Variants in TLE4 observed in about 807,000 individuals in gnomAD.
TLE4 encodes transducin-like enhancer protein 4.
A neutral mutation model predicts 92.8 loss-of-function variants in TLE4; 8 were observed. The observed-to-expected ratio is 0.09, with a 90% CI of 0.05 to 0.16. The LOEUF (loss-of-function observed/expected upper bound fraction) is 0.16, where lower values mean the gene tolerates loss of function less well. Ranked by LOEUF, TLE4 falls within the 10% of genes least tolerant of loss-of-function variation. The pLI is 1.00. For missense variants in TLE4, 675 were observed against 997.6 expected (o/e 0.68, Z 4.36); for synonymous variants, 371 against 374.1 (o/e 0.99, Z 0.10).
intron 8 of TLE4, among the ~76,000 whole-genome samples, chr9:79,686,991 G>A (rs1316822): frequency 0.89 from 134,914 of 152,258 alleles, 59,774 homozygotes; most frequent in Admixed American, 0.9. Context: ...GGTATCATCT[G>A]GTCAGGTGCA....
At chr9:79,596,697 T>TA (rs1312343649) in intron 4 of TLE4, among the ~76,000 whole-genome samples, 24 of 152,222 alleles carry the variant, frequency 1.6e-4, no homozygotes, top group Non-Finnish European at 1.5e-5. Flanking sequence ...TAGCACTATC[T>TA]AATCTCAGTT....
In TLE4 at chr9:79,572,293, C is replaced by G. The variant is rs998811254; in HGVS notation, c.-498C>G. 3.3e-5 allele frequency: 5 copies of G among 152,152 alleles called. No individual in the cohort carries two copies. The highest frequency in any genetic ancestry group is 5.9e-5 in the Non-Finnish European group (4 of 68,024). The allele number at this position is 152,152 out of a possible 1,614,324, so 9.4% of individuals were successfully genotyped here. On this transcript the variant is annotated 5_prime_UTR_variant, in exon 1 of 20. Transcript: ENST00000376552. ...CCAAAAAGCACCGCCGAGACCTCTT[C>G]CGAACCAAAGGAGTTTGTGTTTGCT...
chr9:79,723,308 G>A (rs2075930356), intron 19 of TLE4, among the ~76,000 whole-genome samples: 1 of 152,058 alleles, frequency 6.6e-6, no homozygotes, highest in South Asian at 2.1e-4. Context: ...TGGAGTAGAG[G>A]TTTTATGTCT....
At chr9:79,719,240 A>C (rs1286576841) in intron 15 of TLE4, among the ~76,000 whole-genome samples, 3 of 151,990 alleles carry the variant, frequency 2.0e-5, no homozygotes, top group Non-Finnish European at 2.9e-5. Flanking sequence ...TTCCTCTCTG[A>C]TGGTTAAGCA....
chr9:79,632,900 A>G (rs906184156), intron 6 of TLE4, among the ~76,000 whole-genome samples: 6 of 152,158 alleles, frequency 3.9e-5, no homozygotes, highest in Non-Finnish European at 4.4e-5. Flanking sequence ...AGCTTGCACA[A>G]TGGGGGAAGG....
At chr9:79,675,121 T>C (rs2135033907) in intron 8 of TLE4, among the ~76,000 whole-genome samples, 1 of 152,318 alleles carries the variant, frequency 6.6e-6, no homozygotes, top group African/African-American at 2.4e-5. Context: ...TAAATCTCTT[T>C]GTCCTTTCTG....
At position 79,718,856 on chromosome 9, in the gene TLE4, C is replaced by T; in HGVS notation, c.1475C>T (p.Ala492Val). 1.9e-6 allele frequency: 3 copies of T among 1,614,146 alleles called. No individual in the cohort carries two copies. The highest frequency in any genetic ancestry group is 2.5e-6 in the Non-Finnish European group (3 of 1,180,030). The change falls in exon 15 of 20, where the codon GCG becomes GTG. Residue 492 changes from alanine (A) to valine (V), a missense_variant. Physicochemically the swap from Ala to Val is moderately conservative, Grantham distance 64 (BLOSUM62 0). Coordinates refer to ENST00000376552, the MANE Select transcript of TLE4 (RefSeq NM_007005.6). ...NTLNHGEVVCAVTISNPTRHV... is the reference protein window; with the variant it reads ...NTLNHGEVVCVVTISNPTRHV... ...CTCAACCACGGGGAGGTGGTGTGCG[C>T]GGTGACCATCAGCAACCCCACGAGA...
At chr9:79,670,623 G>C (rs73457274) in intron 8 of TLE4, among the ~76,000 whole-genome samples, 2,437 of 152,272 alleles carry the variant, frequency 0.016, 61 homozygotes, top group African/African-American at 0.055. Context: ...CATTTCTTAA[G>C]GTTGGGAAGC....
At chr9:79,689,759 G>A (rs2066665364) in intron 8 of TLE4, among the ~76,000 whole-genome samples, 1 of 152,192 alleles carries the variant, frequency 6.6e-6, no homozygotes, top group African/African-American at 2.4e-5. Flanking sequence ...TGTGCTGATA[G>A]GTAAGCAGGT....
chr9:79,580,780 A>C (rs1199976297), intron 4 of TLE4, among the ~76,000 whole-genome samples: 2 of 152,000 alleles, frequency 1.3e-5, no homozygotes, highest in African/African-American at 4.8e-5. Context: ...ACTATCATGG[A>C]AGATGGGGTG....
At chr9:79,573,274 G>C in intron 1 of TLE4, 2 of 1,022,476 alleles carry the variant, frequency 2.0e-6, no homozygotes, top group Non-Finnish European at 2.3e-6. Context: ...GCGAACGAAC[G>C]AGCCGAGAGG....
At chr9:79,708,835 C>T (rs757077986) in intron 13 of TLE4, 49 bp downstream of exon 13, 11 of 1,544,780 alleles carry the variant, frequency 7.1e-6, no homozygotes, top group Middle Eastern at 1.9e-4. Flanking sequence ...GGAGGATTGT[C>T]ATGCTTGATT....
intron 8 of TLE4, among the ~76,000 whole-genome samples, chr9:79,692,618 A>G (rs968938976): frequency 6.6e-6 from 1 of 152,138 alleles, no homozygotes; most frequent in African/African-American, 2.4e-5. Flanking sequence ...TTAAGTAGAA[A>G]TTTATTTCTC....
At chr9:79,710,508 G>A (rs965984886) in intron 14 of TLE4, among the ~76,000 whole-genome samples, 9 of 152,118 alleles carry the variant, frequency 5.9e-5, no homozygotes, top group African/African-American at 2.2e-4. Context: ...CACTACACAT[G>A]CCGTGTATGT....
intron 6 of TLE4, among the ~76,000 whole-genome samples, chr9:79,627,946 C>T (rs1191198584): frequency 6.6e-6 from 1 of 152,100 alleles, no homozygotes; most frequent in Non-Finnish European, 1.5e-5. Flanking sequence ...AATAGATGAA[C>T]TACACTTTAT....
chr9:79,629,012 G>T (rs1383812300), intron 6 of TLE4, among the ~76,000 whole-genome samples: 1 of 151,946 alleles, frequency 6.6e-6, no homozygotes, highest in Non-Finnish European at 1.5e-5. Flanking sequence ...GGTCAGAAGG[G>T]ATAGAACCTA....
chr9:79,723,408 GT>G (rs539760985), intron 19 of TLE4, among the ~76,000 whole-genome samples: 1 of 152,106 alleles, frequency 6.6e-6, no homozygotes, highest in Non-Finnish European at 1.5e-5. Context: ...AGTAGTAGTA[GT>G]TTTTTTATTT....
At chr9:79,637,138 G>A (rs1432676041) in intron 6 of TLE4, among the ~76,000 whole-genome samples, 2 of 152,076 alleles carry the variant, frequency 1.3e-5, no homozygotes, top group African/African-American at 2.4e-5. Context: ...AAAACTTGGG[G>A]TCCTTTTGTG....
intron 4 of TLE4, among the ~76,000 whole-genome samples, chr9:79,598,074 A>AG: frequency 7.4e-6 from 1 of 134,918 alleles, no homozygotes; most frequent in South Asian, 2.4e-4. Flanking sequence ...CTACTGAAAA[A>AG]GAAAAAAAAA....
Sources: gnomAD v4.1 joint callset for allele counts (sites outside exome capture counted in the v4.1 genomes callset) on GRCh38, gnomAD v4.1.1 for gene constraint, MANE v1.5 for transcripts, NCBI Gene and HGNC (gene_info 2026-07-23, HGNC 2026-07-21) for gene names.